HSH2D: variants seen among roughly 807,000 people sequenced by gnomAD.
HSH2D encodes hematopoietic SH2 domain containing, also known as hematopoietic SH2 domain-containing protein.
Under a neutral mutation model 21.5 loss-of-function variants are expected in HSH2D, and 16 were observed. The ratio of observed to expected loss-of-function variants is 0.74; its 90% CI spans 0.50 to 1.13. HSH2D has a LOEUF of 1.13. Among genes scored for constraint, HSH2D ranks in the 50% most tolerant of loss-of-function variants. The probability of loss-of-function intolerance (pLI) is 0.00; values close to 1 mark genes in which losing one functional copy is unlikely to be tolerated. For missense variants in HSH2D, 418 were observed against 441.4 expected (o/e 0.95, Z 0.47); for synonymous variants, 172 against 184.7 (o/e 0.93, Z 0.56).
At chr19:16,142,248 C>G (rs1424888753), upstream of HSH2D, among the ~76,000 whole-genome samples, 1 of 152,178 alleles carries the variant, frequency 6.6e-6, no homozygotes, top group African/African-American at 2.4e-5. Context: ...GGCAATATAG[C>G]AAGACCCCAT....
chr19:16,157,404 C>A lies in HSH2D; in HGVS notation c.669C>A (p.Ser223Arg), dbSNP rs750913392. ...RGQRVRQQLK[S>R]HLATVNLSSL... ...AGAGGGTCCGGCAGCAGCTAAAAAG[C>A]CACCTCGCCACTGTGAACTTGTCGT... The change falls in exon 6 of 6, where the codon AGC becomes AGA. Residue 223 changes from serine to arginine, a missense_variant. Transcript: ENST00000613986. This position sits in a 1 kb window ranked among gnomAD's most constrained non-coding sequence, Gnocchi z 4.4. 5.0e-5 allele frequency: 81 copies of A among 1,613,794 alleles called. No homozygotes were observed. The highest frequency in any genetic ancestry group is 6.6e-5 in the Non-Finnish European group (78 of 1,179,872).
intron 2 of HSH2D, among the ~76,000 whole-genome samples, chr19:16,151,765 GAAAAAAAAA>G (rs746775825): frequency 3.3e-5 from 2 of 61,320 alleles, no homozygotes; most frequent in Non-Finnish European, 6.4e-5. Flanking sequence ...TGCCACAGCT[GAAAAAAAAA>G]AAAAAAAAAA....
upstream of HSH2D, among the ~76,000 whole-genome samples, chr19:16,141,321 T>C (rs1178609674): frequency 2.0e-5 from 3 of 152,162 alleles, no homozygotes; most frequent in African/African-American, 7.2e-5. Context: ...GAGCCTGGGG[T>C]TATCTAGCCC....
chr19:16,153,163 G>C lies in HSH2D; in HGVS notation c.336G>C (p.Lys112Asn). Residue 112 changes from lysine (K) to asparagine (N), a missense_variant, in exon 4 of 6, where the codon AAG (lysine) becomes AAC (asparagine). By Grantham distance (94) the Lys-to-Asn change is moderately conservative. Transcript: ENST00000613986. ...LDALVTFHQQKPIEPRRELLT... is the reference protein window; with the variant it reads ...LDALVTFHQQNPIEPRRELLT... ...CCCTGGTCACCTTCCACCAGCAGAA[G>C]CCAATTGAGCCGCGCAGGGAGCTGC... 6.4e-7 allele frequency: 1 copy of C among 1,573,456 alleles called. No homozygotes were observed. The highest frequency in any genetic ancestry group is 8.6e-7 in the Non-Finnish European group (1 of 1,160,694).
chr19:16,152,921 A>G (rs1050585845), intron 3 of HSH2D, 122 bp from the exon 4 acceptor site: 18 of 1,181,462 alleles, frequency 1.5e-5, no homozygotes, highest in Non-Finnish European at 2.2e-5. Flanking sequence ...GTGAGTGAAG[A>G]AGCCTGCATG....
At chr19:16,136,241 A>G (rs148119872) in intron 1 of HSH2D, among the ~76,000 whole-genome samples, 3 of 152,322 alleles carry the variant, frequency 2.0e-5, no homozygotes, top group East Asian at 1.9e-4. Flanking sequence ...CCACTTTGGG[A>G]AACTTGCTTT....
intron 4 of HSH2D, 40 bp from the exon 5 acceptor site, chr19:16,154,359 C>A: frequency 7.1e-7 from 1 of 1,409,116 alleles, no homozygotes; most frequent in South Asian, 1.2e-5. Flanking sequence ...GACCTTTCCC[C>A]CTCCCTAGTG....
At chr19:16,147,858 TG>T (rs1485849169) in intron 1 of HSH2D, among the ~76,000 whole-genome samples, 1 of 152,190 alleles carries the variant, frequency 6.6e-6, no homozygotes, top group Admixed American at 6.5e-5. Flanking sequence ...TGGCCCAGGC[TG>T]GTCTTGAACT....
At chr19:16,140,631 C>T (rs1328647113), upstream of HSH2D, among the ~76,000 whole-genome samples, 3 of 151,746 alleles carry the variant, frequency 2.0e-5, no homozygotes, top group Non-Finnish European at 2.9e-5. Flanking sequence ...GATGCAGCAG[C>T]TGACACCTGT....
At position 16,135,026 on chromosome 19, in the gene HSH2D, T is replaced by C. The variant is rs1347308573; in HGVS notation, c.-324+791T>C. Among the ~76,000 whole-genome samples, 3 of 150,846 alleles carry C rather than the reference T, an allele frequency of 2.0e-5. No homozygotes were observed. In the East Asian group the frequency reaches 5.9e-4, roughly 30 times the overall value. ...TGGCGCATGCCTCATCCCAGCACTT[T>C]GGGAGGCCGAGGTGGGTGGTTCACC... On this transcript the variant is annotated intron_variant, in intron 1 of 7. Transcript: ENST00000616645.
intron 5 of HSH2D, among the ~76,000 whole-genome samples, chr19:16,156,343 C>G (rs1299858201): frequency 2.0e-5 from 3 of 150,564 alleles, no homozygotes; most frequent in Non-Finnish European, 3.0e-5. Context: ...AAGCAAGACC[C>G]TCTCAAAAAA....
At chr19:16,150,522 A>T (rs2091133523) in intron 2 of HSH2D, among the ~76,000 whole-genome samples, 1 of 150,762 alleles carries the variant, frequency 6.6e-6, no homozygotes, top group African/African-American at 2.4e-5. Context: ...CTGAGCAACA[A>T]GAGTAAAACT....
At chr19:16,142,190 C>T (rs143822895), upstream of HSH2D, 4 of 152,082 alleles carry the variant, frequency 2.6e-5, no homozygotes, top group African/African-American at 9.7e-5. Context: ...TGTCCAGGCT[C>T]AATTCAGTTT....
chr19:16,136,796 T>A (rs2090966938), intron 1 of HSH2D, among the ~76,000 whole-genome samples: 1 of 152,172 alleles, frequency 6.6e-6, no homozygotes, highest in South Asian at 2.1e-4. Context: ...TCACACCCGA[T>A]GCAAATGGCA....
chr19:16,158,121 G>A lies in HSH2D; in HGVS notation c.*327G>A, dbSNP rs544285528. The stretch of plus-strand genomic sequence containing the variant: ...TCCATGTTTTGAAGAAGAGACTGAG[G>A]TTCAGAGAGGATAAGAGGCGTGACC... On this transcript the variant is annotated 3_prime_UTR_variant, in exon 6 of 6. Transcript: ENST00000613986. 161 of 249,236 alleles carry A rather than the reference G, an allele frequency of 6.5e-4. No individual in the cohort carries two copies. Among genetic ancestry groups the A allele is most frequent in the Non-Finnish European group, 1.1e-3 (143 of 130,618 alleles). 15.4% of individuals were successfully genotyped at this position (249,236 alleles called of 1,614,324 possible). A position where few individuals can be genotyped will look rare whatever the true frequency, so the allele number is the denominator to read the frequency against.
intron 1 of HSH2D, among the ~76,000 whole-genome samples, chr19:16,136,461 ATTAT>A (rs1013984514): frequency 6.6e-6 from 1 of 152,156 alleles, no homozygotes; most frequent in African/African-American, 2.4e-5. Flanking sequence ...CTAGAAAGAA[ATTAT>A]TTAGGCAGAT....
chr19:16,157,651 G>A lies in HSH2D; in HGVS notation c.916G>A (p.Asp306Asn), dbSNP rs1301260777. 4.3e-6 allele frequency: 7 copies of A among 1,613,400 alleles called. No homozygotes were observed. Among genetic ancestry groups the A allele is most frequent in the Middle Eastern group, 1.6e-4 (1 of 6,084 alleles). Reference sequence around the variant, plus strand: ...CAGCTGCATTGAGGTGACCCCAGGGGACAGGAGTTGGCACCAAATGGTAGT... The same window carrying A: ...CAGCTGCATTGAGGTGACCCCAGGGAACAGGAGTTGGCACCAAATGGTAGT... ...SVSCIEVTPG[D>N]RSWHQMVVRA... The change falls in exon 6 of 6, where the codon GAC becomes AAC. Residue 306 changes from aspartate (D) to asparagine (N), a missense_variant. Coordinates refer to ENST00000613986, the MANE Select transcript of HSH2D (RefSeq NM_001382417.1). The surrounding 1 kb of genome is among the most constrained non-coding windows in gnomAD (Gnocchi z 4.4).
chr19:16,139,001 G>C (rs1351169186), upstream of HSH2D, among the ~76,000 whole-genome samples: 1 of 152,078 alleles, frequency 6.6e-6, no homozygotes, highest in East Asian at 1.9e-4. Context: ...GGGATTACAG[G>C]CATGAGCCAC....
rs942533396 is a variant in HSH2D at position 16,154,445 on chromosome 19, A to G, written c.428A>G (p.Asn143Ser). ...TACGAGGATCTCTTCCTCTACTCCAACGCAGTGGCCGAGGAAGCTGCCTGC... is the reference window on the plus strand; with the variant it reads ...TACGAGGATCTCTTCCTCTACTCCAGCGCAGTGGCCGAGGAAGCTGCCTGC... ...VDYEDLFLYS[N>S]AVAEEAACPV... The change falls in exon 5 of 6, where the codon AAC (asparagine) becomes AGC (serine). Residue 143 changes from asparagine to serine, a missense_variant. By Grantham distance (46) the Asn-to-Ser change is conservative. Coordinates refer to ENST00000613986, the MANE Select transcript of HSH2D (RefSeq NM_001382417.1). The G allele has an allele frequency of 7.7e-6, 12 of 1,552,706 alleles. No individual in the cohort carries two copies. The African/African-American group carries it at 1.6e-4, about 21-fold the overall frequency.
Sources: gnomAD v4.1 joint callset for allele counts (sites outside exome capture counted in the v4.1 genomes callset) on GRCh38, gnomAD v4.1.1 for gene constraint, Gnocchi (gnomAD v3.1) non-coding constraint, MANE v1.5 for transcripts, NCBI Gene and HGNC (gene_info 2026-07-23, HGNC 2026-07-21) for gene names.